The following GINS1 variants were observed in gnomAD, a reference collection of about 807,000 sequenced individuals.
GINS1 encodes DNA replication complex GINS protein PSF1.
In GINS1, 26 loss-of-function variants were observed where a neutral mutation model predicts 34.9. The observed-to-expected ratio is 0.74, with a 90% CI of 0.55 to 1.03. The LOEUF is 1.03. Among genes scored for constraint, GINS1 ranks in the 50% least tolerant of loss-of-function variants. GINS1 has a pLI of 0.00. For missense variants in GINS1, 235 were observed against 237.9 expected, an observed-to-expected ratio of 0.99 and a Z score of 0.08; for synonymous variants, 97 against 84.4, an observed-to-expected ratio of 1.15 and a Z score of -0.82.
At chr20:25,415,308 C>T (rs1038590492) in intron 2 of GINS1, among the ~76,000 whole-genome samples, 2 of 152,172 alleles carry the variant, frequency 1.3e-5, no homozygotes, top group African/African-American at 4.8e-5. Context: ...GTCCCTAAGC[C>T]ATTCATTGAT....
In GINS1 at chr20:25,422,817, C is replaced by A. The variant is rs551711205; in HGVS notation, c.331-2394C>A. 2.6e-5 allele frequency among the ~76,000 whole-genome samples: 4 copies of A among 152,232 alleles called. No individual in the cohort carries two copies. The South Asian group carries it at 8.3e-4, about 32-fold the overall frequency. ...TAGACGGAGTTTTTTGCTCTTGTTG[C>A]CCAGGCTGGAGTGCTGTGGCGTGAT... On this transcript the variant is annotated intron_variant, in intron 4 of 6. Transcript: ENST00000262460.
rs1159340467 is a variant in GINS1 at position 25,423,452 on chromosome 20, C to CTTTTTTTTTTTTTTTT, written c.331-1740_331-1725dup. On this transcript the variant is annotated intron_variant, in intron 4 of 6. Transcript: ENST00000262460. The stretch of plus-strand genomic sequence containing the variant: ...AAGGTTATTAAGATATTTTTCTTTT[C>CTTTTTTTTTTTTTTTT]TTTTTTTTTTTTTTTTTTTTTTTTT... Among the ~76,000 whole-genome samples, 5 of 29,992 alleles carry CTTTTTTTTTTTTTTTT rather than the reference C, an allele frequency of 1.7e-4. 1 individual carries two copies. Among genetic ancestry groups the CTTTTTTTTTTTTTTTT allele is most frequent in the Non-Finnish European group, 2.9e-4 (5 of 17,346 alleles). The allele number at this position is 29,992 out of a possible 152,430, so 19.7% of individuals were successfully genotyped here.
chr20:25,435,785 AAAAC>A (rs1446864382), intron 5 of GINS1, among the ~76,000 whole-genome samples: 4 of 124,270 alleles, frequency 3.2e-5, no homozygotes, highest in Non-Finnish European at 3.3e-5. Flanking sequence ...AAAAAAAAAA[AAAAC>A]CAACTTTTTG....
rs1568802527 is a variant in GINS1 at position 25,423,452 on chromosome 20, C to CTTTTCTTTTTTT, written c.331-1755_331-1754insCTTTTTTTTTTT. Among the ~76,000 whole-genome samples, 14 of 29,996 alleles carry CTTTTCTTTTTTT rather than the reference C, an allele frequency of 4.7e-4. 2 individuals carry two copies. The highest frequency in any genetic ancestry group is 4.7e-3 in the East Asian group (2 of 428). 19.7% of individuals were successfully genotyped at this position (29,996 alleles called of 152,430 possible). ...AAGGTTATTAAGATATTTTTCTTTT[C>CTTTTCTTTTTTT]TTTTTTTTTTTTTTTTTTTTTTTTT... On this transcript the variant is annotated intron_variant, in intron 4 of 6. Coordinates refer to ENST00000262460, the MANE Select transcript of GINS1 (RefSeq NM_021067.5).
intron 4 of GINS1, among the ~76,000 whole-genome samples, chr20:25,423,452 C>CTTTTCTTTCT (rs1568802527): frequency 3.3e-5 from 1 of 29,992 alleles, no homozygotes; most frequent in African/African-American, 1.2e-4. Context: ...TTTTTCTTTT[C>CTTTTCTTTCT]TTTTTTTTTT....
At position 25,417,184 on chromosome 20, in the gene GINS1, G is replaced by A. The variant is rs1600922448; in HGVS notation, c.221G>A (p.Arg74His). 1.3e-6 allele frequency: 2 copies of A among 1,565,260 alleles called. No individual in the cohort carries two copies. The highest frequency in any genetic ancestry group is 1.1e-5 in the South Asian group (1 of 89,578). The change falls in exon 3 of 7, where the codon CGC becomes CAC. Residue 74 changes from arginine (R) to histidine (H), a missense_variant. Transcript: ENST00000262460. ...FRHCSLLRNRRCTVAYLYDRL... is the reference protein window; with the variant it reads ...FRHCSLLRNRHCTVAYLYDRL... ...CACTGTTCTCTGTTAAGAAATCGAC[G>A]CTGCACTGTAGCATACCTGTAAGCT...
rs77113924 is a variant in GINS1, at chr20:25,428,969, C to CTTTTTTTTTT, written c.447+3670_447+3679dup. On this transcript the variant is annotated intron_variant, in intron 5 of 6. Transcript: ENST00000262460. ...GGGTCCTCCACCTTCATTCCTCTCT[C>CTTTTTTTTTT]TTTTTTTTTTTTTTTTTTTTTTTTT... 1.9e-4 allele frequency among the ~76,000 whole-genome samples: 24 copies of CTTTTTTTTTT among 127,436 alleles called. 3 individuals carry two copies. Among genetic ancestry groups the CTTTTTTTTTT allele is most frequent in the Non-Finnish European group, 3.3e-4 (20 of 60,866 alleles). 83.6% of individuals were successfully genotyped at this position (127,436 alleles called of 152,430 possible).
chr20:25,417,329 G>T, intron 3 of GINS1, 127 bp downstream of exon 3: 1 of 612,990 alleles, frequency 1.6e-6, no homozygotes, highest in Non-Finnish European at 2.9e-6. Context: ...TTTTTCCTCT[G>T]TGTTTTCATT....
intron 5 of GINS1, among the ~76,000 whole-genome samples, chr20:25,439,440 A>G (rs117084872): frequency 0.03 from 4,616 of 152,324 alleles, 114 homozygotes; most frequent in Non-Finnish European, 0.041. Flanking sequence ...TGGGAGGCCA[A>G]AGCAGGAGTA....
intron 5 of GINS1, among the ~76,000 whole-genome samples, chr20:25,436,918 T>A (rs1198590541): frequency 6.6e-6 from 1 of 152,264 alleles, no homozygotes; most frequent in African/African-American, 2.4e-5. Context: ...AATAATGTTA[T>A]AACTCTATAA....
chr20:25,433,250 AC>A (rs2090437033), intron 5 of GINS1, among the ~76,000 whole-genome samples: 1 of 151,806 alleles, frequency 6.6e-6, no homozygotes, highest in South Asian at 2.1e-4. Flanking sequence ...CTTGCAATGG[AC>A]TGGGGAATAA....
chr20:25,442,370 G>GTCTATCTA (rs944452825), intron 6 of GINS1, among the ~76,000 whole-genome samples: 7 of 131,234 alleles, frequency 5.3e-5, no homozygotes, highest in African/African-American at 1.9e-4. Context: ...CTGTCTGTCT[G>GTCTATCTA]TCTATCTATC....
At chr20:25,422,854 G>A (rs537496473) in intron 4 of GINS1, among the ~76,000 whole-genome samples, 2 of 151,312 alleles carry the variant, frequency 1.3e-5, no homozygotes, top group South Asian at 2.1e-4. Context: ...TTGGCTGACC[G>A]CAACCCCCGC....
At chr20:25,410,466 C>A (rs1001223347) in intron 1 of GINS1, among the ~76,000 whole-genome samples, 5 of 152,196 alleles carry the variant, frequency 3.3e-5, no homozygotes, top group Admixed American at 6.5e-5. Flanking sequence ...CAGCCTGGAA[C>A]ACTTAGTCAG....
intron 5 of GINS1, among the ~76,000 whole-genome samples, chr20:25,427,543 T>C (rs1186666850): frequency 6.6e-6 from 1 of 152,228 alleles, no homozygotes; most frequent in Non-Finnish European, 1.5e-5. Flanking sequence ...TTGACTTTTA[T>C]TTCCCTAATG....
intron 1 of GINS1, among the ~76,000 whole-genome samples, chr20:25,412,307 A>T (rs2090290912): frequency 6.6e-6 from 1 of 152,046 alleles, no homozygotes. Context: ...TAATCCCAGC[A>T]CTTTGGGAGG....
chr20:25,442,049 G>T lies in GINS1; in HGVS notation c.522+273G>T, dbSNP rs572625827. Among the ~76,000 whole-genome samples the T allele has an allele frequency of 1.3e-4, 20 of 152,194 alleles. No homozygotes were observed. In the East Asian group the frequency reaches 3.9e-3, roughly 29 times the overall value. On this transcript the variant is annotated intron_variant, in intron 6 of 6. Coordinates refer to ENST00000262460, the MANE Select transcript of GINS1 (RefSeq NM_021067.5). ...ATTACCATAATCAGCCTTATTCTGG[G>T]TAAGTGATAGATTATTATCTGGAGG...
intron 2 of GINS1, among the ~76,000 whole-genome samples, chr20:25,415,811 G>C (rs753312441): frequency 1.3e-5 from 2 of 152,052 alleles, no homozygotes; most frequent in Non-Finnish European, 2.9e-5. Flanking sequence ...AGTGCAAGGA[G>C]AAAGAAAAAT....
chr20:25,444,801 A>G (rs191750637), intron 6 of GINS1, among the ~76,000 whole-genome samples: 2 of 152,306 alleles, frequency 1.3e-5, no homozygotes, highest in African/African-American at 2.4e-5. Flanking sequence ...AGGACAAGCA[A>G]TACCTGGGTA....
Sources: gnomAD v4.1 joint callset for allele counts (sites outside exome capture counted in the v4.1 genomes callset) on GRCh38, gnomAD v4.1.1 for gene constraint, MANE v1.5 for transcripts, NCBI Gene and HGNC (gene_info 2026-07-23, HGNC 2026-07-21) for gene names.